Variants in ADAMTSL3 observed in about 807,000 individuals in gnomAD.
ADAMTSL3 encodes the protein ADAMTS like 3.
Under a neutral mutation model 201.7 loss-of-function variants are expected in ADAMTSL3, and 128 were observed. The ratio of observed to expected loss-of-function variants is 0.63; its 90% CI spans 0.55 to 0.73. The LOEUF (loss-of-function observed/expected upper bound fraction) is 0.73. ADAMTSL3 is among the 30% of genes least tolerant of loss of function. ADAMTSL3 has a pLI of 0.00. For missense variants in ADAMTSL3, 1,990 were observed against 2,119.6 expected, an observed-to-expected ratio of 0.94 and a Z score of 1.20; for synonymous variants, 738 against 748.4, an observed-to-expected ratio of 0.99 and a Z score of 0.23.
At chr15:83,997,961 C>T (rs1039077416) in intron 23 of ADAMTSL3, among the ~76,000 whole-genome samples, 5 of 151,850 alleles carry the variant, frequency 3.3e-5, no homozygotes, top group African/African-American at 1.2e-4. Context: ...ACTAAGATAC[C>T]TGGCCAGTCA....
At chr15:83,830,586 G>T (rs558552694) in intron 6 of ADAMTSL3, among the ~76,000 whole-genome samples, 18 of 152,338 alleles carry the variant, frequency 1.2e-4, no homozygotes, top group African/African-American at 4.3e-4. Context: ...GTGTGGTGTT[G>T]GAGTAGGCAC....
At chr15:83,978,132 C>T (rs923143549) in intron 20 of ADAMTSL3, among the ~76,000 whole-genome samples, 1 of 152,184 alleles carries the variant, frequency 6.6e-6, no homozygotes, top group Admixed American at 6.5e-5. Context: ...CAAGACCATG[C>T]AGAAATATCC....
At chr15:83,841,923 C>A (rs920263288) in intron 7 of ADAMTSL3, among the ~76,000 whole-genome samples, 1 of 151,770 alleles carries the variant, frequency 6.6e-6, no homozygotes, top group Non-Finnish European at 1.5e-5. Context: ...GCCGACAGGC[C>A]ATTGACAGTG....
At chr15:83,767,716 T>C (rs1243287476) in intron 3 of ADAMTSL3, among the ~76,000 whole-genome samples, 1 of 152,212 alleles carries the variant, frequency 6.6e-6, no homozygotes, top group Non-Finnish European at 1.5e-5. Flanking sequence ...TGATGGCTGA[T>C]TTCTTCCCTC....
chr15:83,892,096 A>G (rs1026104138), intron 12 of ADAMTSL3, among the ~76,000 whole-genome samples: 8 of 152,090 alleles, frequency 5.3e-5, no homozygotes, highest in Non-Finnish European at 1.2e-4. Flanking sequence ...GGTGCCTGTA[A>G]TCCCAGCTAC....
At chr15:83,739,408 A>G (rs1241095435) in intron 3 of ADAMTSL3, among the ~76,000 whole-genome samples, 1 of 150,134 alleles carries the variant, frequency 6.7e-6, no homozygotes, top group African/African-American at 2.5e-5. Context: ...ACCTGATGTC[A>G]TGTGAACGGT....
intron 8 of ADAMTSL3, among the ~76,000 whole-genome samples, chr15:83,867,688 T>C (rs1360054900): frequency 6.6e-6 from 1 of 152,192 alleles, no homozygotes; most frequent in African/African-American, 2.4e-5. Flanking sequence ...GTTTGATGTA[T>C]TTATAACTAT....
At chr15:83,764,594 TCCTC>T (rs1361637929) in intron 3 of ADAMTSL3, among the ~76,000 whole-genome samples, 1 of 151,924 alleles carries the variant, frequency 6.6e-6, no homozygotes, top group Non-Finnish European at 1.5e-5. Flanking sequence ...AGGCCTTAGT[TCCTC>T]TCAGGCAGCC....
intron 3 of ADAMTSL3, among the ~76,000 whole-genome samples, chr15:83,750,627 C>T (rs2062623331): frequency 6.6e-6 from 1 of 152,082 alleles, no homozygotes; most frequent in African/African-American, 2.4e-5. Flanking sequence ...TCTCGGCTCA[C>T]TGCAACCTCC....
chr15:83,776,864 G>C (rs1207493531), intron 4 of ADAMTSL3, among the ~76,000 whole-genome samples: 2 of 152,220 alleles, frequency 1.3e-5, no homozygotes, highest in Non-Finnish European at 2.9e-5. Context: ...TCAGATAGTG[G>C]GAGCAGCATA....
chr15:83,723,354 T>C (rs1335923984), intron 3 of ADAMTSL3, among the ~76,000 whole-genome samples: 1 of 152,230 alleles, frequency 6.6e-6, no homozygotes, highest in Non-Finnish European at 1.5e-5. Flanking sequence ...TGTTGAATAC[T>C]GCTAAGTGCA....
intron 27 of ADAMTSL3, among the ~76,000 whole-genome samples, chr15:84,025,969 C>T (rs1159855010): frequency 6.6e-6 from 1 of 152,128 alleles, no homozygotes; most frequent in African/African-American, 2.4e-5. Flanking sequence ...TGAATATATG[C>T]ACGTAATACA....
intron 4 of ADAMTSL3, among the ~76,000 whole-genome samples, chr15:83,790,097 A>G (rs2063322146): frequency 6.6e-6 from 1 of 151,520 alleles, no homozygotes. Flanking sequence ...ATAGTATAAA[A>G]ACTCTCTCTC....
chr15:83,791,642 A>C (rs1338579783), intron 4 of ADAMTSL3, among the ~76,000 whole-genome samples: 1 of 152,158 alleles, frequency 6.6e-6, no homozygotes, highest in Non-Finnish European at 1.5e-5. Flanking sequence ...GCAGATCACG[A>C]GGTCAGGAGA....
At chr15:83,658,414 T>C (rs2141351690) in intron 2 of ADAMTSL3, among the ~76,000 whole-genome samples, 1 of 152,312 alleles carries the variant, frequency 6.6e-6, no homozygotes, top group African/African-American at 2.4e-5. Context: ...CGTCCACAAA[T>C]ATATTTTCTT....
Position 83,994,691 on chromosome 15 carries a change from G to A in ADAMTSL3, c.3973+3477G>A, listed in dbSNP as rs2141843663. Reference sequence around the variant, plus strand: ...AGCTCACTGCAATCTCTGCCTCCCAGGTTCAAACGATTCTCCTACCTCAGC... The same window carrying A: ...AGCTCACTGCAATCTCTGCCTCCCAAGTTCAAACGATTCTCCTACCTCAGC... On this transcript the variant is annotated intron_variant, in intron 23 of 29. Coordinates refer to ENST00000286744, the MANE Select transcript of ADAMTSL3 (RefSeq NM_207517.3). Among the ~76,000 whole-genome samples the A allele has an allele frequency of 1.4e-5, 2 of 139,218 alleles. 1 individual carries two copies. The highest frequency in any genetic ancestry group is 7.6e-3 in the Middle Eastern group (2 of 262). The allele number at this position is 139,218 out of a possible 152,430, so 91.3% of individuals were successfully genotyped here. A position where few individuals can be genotyped will look rare whatever the true frequency, so the allele number is the denominator to read the frequency against.
chr15:83,856,396 C>G (rs756063764), intron 7 of ADAMTSL3, among the ~76,000 whole-genome samples: 2 of 152,016 alleles, frequency 1.3e-5, no homozygotes, highest in Non-Finnish European at 2.9e-5. Context: ...CGACTGGTCT[C>G]GAACTCCTGG....
intron 10 of ADAMTSL3, among the ~76,000 whole-genome samples, chr15:83,889,879 T>G (rs1287769934): frequency 6.6e-6 from 1 of 152,224 alleles, no homozygotes. Flanking sequence ...AAAAAGATAC[T>G]GTTTTCCTGG....
intron 3 of ADAMTSL3, among the ~76,000 whole-genome samples, chr15:83,733,916 G>A (rs2062326336): frequency 1.3e-5 from 2 of 152,106 alleles, no homozygotes; most frequent in Admixed American, 1.3e-4. Flanking sequence ...ATGGCCCAGG[G>A]ACCCCTTCCC....
Sources: gnomAD v4.1 joint callset for allele counts (sites outside exome capture counted in the v4.1 genomes callset) on GRCh38, gnomAD v4.1.1 for gene constraint, MANE v1.5 for transcripts, NCBI Gene and HGNC (gene_info 2026-07-23, HGNC 2026-07-21) for gene names.